Variants in IL23R observed in about 807,000 individuals in gnomAD.
The protein encoded by IL23R is interleukin 23 receptor, also known as interleukin-23 receptor.
In IL23R, 34 loss-of-function variants were observed where a neutral mutation model predicts 56.9. The observed-to-expected ratio is 0.60, with a 90% CI of 0.45 to 0.80. The LOEUF (loss-of-function observed/expected upper bound fraction) is 0.80. Among genes scored for constraint, IL23R ranks in the 30% least tolerant of loss-of-function variants. The probability of loss-of-function intolerance (pLI) is 0.00; values close to 1 mark genes in which losing one functional copy is unlikely to be tolerated. For synonymous variants in IL23R, 230 were observed against 249.2 expected (o/e 0.92, Z 0.73); for missense variants, 635 against 730.0 (o/e 0.87, Z 1.50).
At chr1:67,263,112 CTTT>C (rs66482004), downstream of IL23R, among the ~76,000 whole-genome samples, 3 of 98,890 alleles carry the variant, frequency 3.0e-5, no homozygotes, top group African/African-American at 4.0e-5. Flanking sequence ...AATTTCTTTC[CTTT>C]TTTTTTTTTT....
chr1:67,190,476 A>G (rs117478491), intron 4 of IL23R, among the ~76,000 whole-genome samples: 39 of 151,536 alleles, frequency 2.6e-4, no homozygotes, highest in Admixed American at 1.8e-3. Flanking sequence ...GCTAATAACC[A>G]TCTCCCTACT....
chr1:67,180,848 G>A (rs1005172473), intron 3 of IL23R, among the ~76,000 whole-genome samples: 2 of 152,120 alleles, frequency 1.3e-5, no homozygotes, highest in African/African-American at 2.4e-5. Context: ...TTGCTTGTCT[G>A]TAAAGTATTT....
At chr1:67,219,871 G>T (rs539176340) in intron 7 of IL23R, 141 bp downstream of exon 7, 3 of 780,018 alleles carry the variant, frequency 3.8e-6, no homozygotes, top group East Asian at 5.0e-5. Flanking sequence ...TTTGAGACTG[G>T]CCTGGGCAAC....
intron 1 of IL23R, among the ~76,000 whole-genome samples, chr1:67,147,994 C>T (rs955654837): frequency 6.6e-6 from 1 of 152,158 alleles, no homozygotes; most frequent in Non-Finnish European, 1.5e-5. Context: ...GAACCTTGAG[C>T]CATGTGGTGA....
intron 1 of IL23R, among the ~76,000 whole-genome samples, chr1:67,156,367 C>T (rs1352605631): frequency 6.6e-6 from 1 of 152,216 alleles, no homozygotes; most frequent in Non-Finnish European, 1.5e-5. Flanking sequence ...CTCTTCAGAG[C>T]CAGCAGACAG....
chr1:67,260,764 A>G (rs1653178802), downstream of IL23R, among the ~76,000 whole-genome samples: 1 of 152,096 alleles, frequency 6.6e-6, no homozygotes, highest in South Asian at 2.1e-4. Context: ...GGGCATGTAA[A>G]TTCATGCCTA....
intron 7 of IL23R, among the ~76,000 whole-genome samples, chr1:67,226,587 G>C (rs1417533755): frequency 2.0e-5 from 3 of 152,116 alleles, no homozygotes; most frequent in Non-Finnish European, 4.4e-5. Context: ...CTGGAACCTG[G>C]GGTCTGGAGT....
chr1:67,260,064 A>C (rs1265317905), downstream of IL23R: 4 of 151,944 alleles, frequency 2.6e-5, no homozygotes, highest in African/African-American at 9.7e-5. Context: ...TCTCTTGAGT[A>C]GATAAAAATA....
chr1:67,155,388 C>T (rs2102537718), intron 1 of IL23R, among the ~76,000 whole-genome samples: 1 of 152,248 alleles, frequency 6.6e-6, no homozygotes, highest in South Asian at 2.1e-4. Flanking sequence ...AATATGTTTT[C>T]CAACTTGGTT....
rs898804651 is a variant in IL23R at position 67,259,313 on chromosome 1, T to A, written c.*185T>A. 1 of 623,612 alleles carries A rather than the reference T, an allele frequency of 1.6e-6. No homozygotes were observed. The highest frequency in any genetic ancestry group is 2.8e-6 in the Non-Finnish European group (1 of 354,372). 38.6% of individuals were successfully genotyped at this position (623,612 alleles called of 1,614,324 possible). On this transcript the variant is annotated 3_prime_UTR_variant, in exon 11 of 11. Coordinates refer to ENST00000347310, the MANE Select transcript of IL23R (RefSeq NM_144701.3). ...GGTAGGGGATTGCTGGGCCATATGA[T>A]AAGCATATGTTTCAGTTCTACCAAT...
At chr1:67,198,313 C>G (rs1473676833) in intron 4 of IL23R, among the ~76,000 whole-genome samples, 1 of 152,194 alleles carries the variant, frequency 6.6e-6, no homozygotes, top group Non-Finnish European at 1.5e-5. Context: ...GCCACCGCCT[C>G]CAACCCTCGT....
chr1:67,206,568 C>T (rs1649078838), intron 5 of IL23R, among the ~76,000 whole-genome samples: 2 of 152,012 alleles, frequency 1.3e-5, no homozygotes, highest in Admixed American at 6.6e-5. Flanking sequence ...GGGATAGCTC[C>T]TTTATCTCAT....
intron 1 of IL23R, among the ~76,000 whole-genome samples, chr1:67,155,159 G>C (rs1646760765): frequency 6.6e-6 from 1 of 152,272 alleles, no homozygotes; most frequent in African/African-American, 2.4e-5. Flanking sequence ...TGAGAGATCT[G>C]CTGTTAGTCT....
rs1650113771 is a variant in IL23R, at chr1:67,219,661, T to C, written c.886T>C (p.Cys296Arg). 1 of 1,614,136 alleles carries C rather than the reference T, an allele frequency of 6.2e-7. No individual in the cohort carries two copies. The highest frequency in any genetic ancestry group is 8.5e-7 in the Non-Finnish European group (1 of 1,179,950). Reference protein sequence around the residue: ...PNIKYVFQVRCQETGKRYWQP... With the variant: ...PNIKYVFQVRRQETGKRYWQP... ...CATTAAGTACGTATTTCAAGTGAGA[T>C]GTCAAGAAACAGGCAAAAGGTACTG... Residue 296 changes from cysteine (C) to arginine (R), a missense_variant, in exon 7 of 11, where the codon TGT becomes CGT. Cys to Arg is a radical substitution (Grantham distance 180). Transcript: ENST00000347310.
At chr1:67,184,461 G>A (rs1052190336) in intron 4 of IL23R, among the ~76,000 whole-genome samples, 2 of 151,144 alleles carry the variant, frequency 1.3e-5, no homozygotes, top group African/African-American at 4.9e-5. Context: ...CAGGAGAATT[G>A]CTTGAACTCA....
chr1:67,209,206 G>C (rs1435664757), intron 6 of IL23R, among the ~76,000 whole-genome samples: 1 of 152,196 alleles, frequency 6.6e-6, no homozygotes, highest in Admixed American at 6.5e-5. Context: ...GAAGGGACTT[G>C]CCTTGTCTCA....
intron 1 of IL23R, among the ~76,000 whole-genome samples, chr1:67,156,651 GC>G (rs1184136206): frequency 6.6e-6 from 1 of 152,186 alleles, no homozygotes; most frequent in African/African-American, 2.4e-5. Context: ...AATGGCAGCT[GC>G]CCCTCCATGA....
intron 4 of IL23R, among the ~76,000 whole-genome samples, chr1:67,186,674 A>G (rs1315013405): frequency 6.6e-6 from 1 of 152,198 alleles, no homozygotes; most frequent in African/African-American, 2.4e-5. Context: ...GCTGGAGTGC[A>G]ATGGTGTGAT....
chr1:67,249,615 A>G (rs1022408863), intron 9 of IL23R, among the ~76,000 whole-genome samples: 1 of 152,130 alleles, frequency 6.6e-6, no homozygotes, highest in African/African-American at 2.4e-5. Flanking sequence ...AACCTGAAGA[A>G]GATTAAACAT....
Sources: gnomAD v4.1 joint callset for allele counts (sites outside exome capture counted in the v4.1 genomes callset) on GRCh38, gnomAD v4.1.1 for gene constraint, MANE v1.5 for transcripts, NCBI Gene and HGNC (gene_info 2026-07-23, HGNC 2026-07-21) for gene names.